Variants in MATN1 observed in about 807,000 individuals in gnomAD.
The protein encoded by MATN1 is matrilin 1.
MATN1 carries 34 observed loss-of-function variants against 41.3 expected under a neutral mutation model. That is an observed-to-expected ratio of 0.82 (90% CI 0.63 to 1.10). The LOEUF (loss-of-function observed/expected upper bound fraction) is 1.10. Ranked by LOEUF, MATN1 falls within the 50% of genes least tolerant of loss-of-function variation. The probability of loss-of-function intolerance (pLI) is 0.00; values close to 1 mark genes in which losing one functional copy is unlikely to be tolerated. For missense variants in MATN1, 602 were observed against 662.4 expected (o/e 0.91, Z 1.00); for synonymous variants, 264 against 278.7 (o/e 0.95, Z 0.53).
Position 30,716,800 on chromosome 1 carries a change from C to A in MATN1, c.780G>T (p.Lys260Asn). Residue 260 changes from lysine to asparagine, a missense_variant, in exon 4 of 8, where the codon AAG becomes AAT. Transcript: ENST00000373765. ...HEGFTLNSDGKTCNVCSGGGG... is the reference protein window; with the variant it reads ...HEGFTLNSDGNTCNVCSGGGG... ...GTCCACCCCACTGACCATTGCAGGT[C>A]TTGCCGTCGCTGTTCAGAGTGAAGC... 1 of 1,613,784 alleles carries A rather than the reference C, an allele frequency of 6.2e-7. No homozygotes were observed. Among genetic ancestry groups the A allele is most frequent in the Non-Finnish European group, 8.5e-7 (1 of 1,179,894 alleles).
chr1:30,713,960 G>T, intron 7 of MATN1: 1 of 578,132 alleles, frequency 1.7e-6, no homozygotes, highest in Non-Finnish European at 3.1e-6. Context: ...GAGAAATGGG[G>T]CATCCATGGG....
At chr1:30,714,080 G>A (rs961453152) in intron 7 of MATN1, 167 bp downstream of exon 7, 6 of 627,988 alleles carry the variant, frequency 9.6e-6, no homozygotes, top group Middle Eastern at 4.3e-4. Flanking sequence ...CTTTTGACAG[G>A]GTGTGCACCC....
In MATN1 at chr1:30,721,630, G is replaced by A. The variant is rs771084489; in HGVS notation, c.216C>T (p.Asp72=). The part of the protein sequence containing the change: ...VFLSQVIESL[D]VGPNATRVGM... ...CCACCCGGGTGGCATTGGGCCCCAC[G>A]TCCAGCGACTCGATGACCTGGGACA... is the stretch of plus-strand genomic sequence containing the variant. Residue 72 remains aspartate (D), a synonymous_variant, in exon 2 of 8, where the codon GAC becomes GAT. Coordinates refer to ENST00000373765, the MANE Select transcript of MATN1 (RefSeq NM_002379.3). 13 of 1,613,394 alleles carry A rather than the reference G, an allele frequency of 8.1e-6. No homozygotes were observed. Among genetic ancestry groups the A allele is most frequent in the East Asian group, 4.5e-5 (2 of 44,898 alleles).
intron 5 of MATN1, among the ~76,000 whole-genome samples, 165 bp downstream of exon 5, chr1:30,715,744 T>G (rs2124152556): frequency 6.6e-6 from 1 of 152,298 alleles, no homozygotes; most frequent in African/African-American, 2.4e-5. Flanking sequence ...GGCCTCAATT[T>G]TGTCATTGGT....
chr1:30,716,781 C>T lies in MATN1; in HGVS notation c.790+9G>A, dbSNP rs369702795. 11 of 1,613,138 alleles carry T rather than the reference C, an allele frequency of 6.8e-6. No homozygotes were observed. Among genetic ancestry groups the T allele is most frequent in the Non-Finnish European group, 9.3e-6 (11 of 1,179,726 alleles). On this transcript the variant is annotated intron_variant, in intron 4 of 7. Coordinates refer to ENST00000373765, the MANE Select transcript of MATN1 (RefSeq NM_002379.3). ...CTCTCCAGGGCGAGCCTGTGTCCACCCCACTGACCATTGCAGGTCTTGCCG... is the reference window on the plus strand; with the variant it reads ...CTCTCCAGGGCGAGCCTGTGTCCACTCCACTGACCATTGCAGGTCTTGCCG...
At position 30,713,268 on chromosome 1, in the gene MATN1, A is replaced by C; in HGVS notation, c.*314T>G. 5.1e-6 allele frequency: 2 copies of C among 391,994 alleles called. No individual in the cohort carries two copies. Among genetic ancestry groups the C allele is most frequent in the South Asian group, 4.7e-5 (1 of 21,156 alleles). 24.3% of individuals were successfully genotyped at this position (391,994 alleles called of 1,614,324 possible). A position where few individuals can be genotyped will look rare whatever the true frequency, so the allele number is the denominator to read the frequency against. ...TAACTAAAAAAGATGGGAATATATT[A>C]AGCTTTTGATTATAAAAATGCAAAC... On this transcript the variant is annotated 3_prime_UTR_variant, in exon 8 of 8. Transcript: ENST00000373765.
chr1:30,720,838 C>G (rs1639686415), intron 2 of MATN1: 1 of 153,978 alleles, frequency 6.5e-6, no homozygotes, highest in South Asian at 2.0e-4. Flanking sequence ...GGCAGCACAG[C>G]CCTTCCATTT....
At chr1:30,722,679 C>T (rs906057722) in intron 1 of MATN1, among the ~76,000 whole-genome samples, 6 of 152,306 alleles carry the variant, frequency 3.9e-5, no homozygotes, top group African/African-American at 9.6e-5. Flanking sequence ...CCATCCCATG[C>T]GGAGTCTGAA....
In MATN1 at chr1:30,721,541, G is replaced by A; in HGVS notation, c.305C>T (p.Ala102Val). ...EFSLRAHVSK[A>V]ALLQAVRRIQ... Reference sequence around the variant, plus strand: ...ACGGCGCACAGCCTGCAGCAGTGCGGCCTTGGAGACATGAGCCCGCAGCGA... The same window carrying A: ...ACGGCGCACAGCCTGCAGCAGTGCGACCTTGGAGACATGAGCCCGCAGCGA... The change falls in exon 2 of 8, where the codon GCC becomes GTC. Residue 102 changes from alanine to valine, a missense_variant. By Grantham distance (64) the Ala-to-Val change is moderately conservative. Transcript: ENST00000373765. The A allele has an allele frequency of 1.2e-6, 2 of 1,613,316 alleles. No individual in the cohort carries two copies. Among genetic ancestry groups the A allele is most frequent in the Non-Finnish European group, 1.7e-6 (2 of 1,180,036 alleles).
In MATN1 at chr1:30,721,401, G is replaced by A. The variant is rs368253241; in HGVS notation, c.441+4C>T. 60 of 1,604,078 alleles carry A rather than the reference G, an allele frequency of 3.7e-5. No individual in the cohort carries two copies. Among genetic ancestry groups the A allele is most frequent in the Middle Eastern group, 3.3e-4 (2 of 6,056 alleles). On this transcript the variant is annotated splice_donor_region_variant and intron_variant, in intron 2 of 7. Coordinates refer to ENST00000373765, the MANE Select transcript of MATN1 (RefSeq NM_002379.3). The stretch of plus-strand genomic sequence containing the variant: ...AGCATCCTAGCAGGGTGGCGTGCAC[G>A]TACCTTGCTGATGTCAGGGGACCTG...
chr1:30,721,564 C>T lies in MATN1; in HGVS notation c.282G>A (p.Ser94=), dbSNP rs138133809. The part of the protein sequence containing the change: ...NYASTVKQEF[S]LRAHVSKAAL... ...CGGCCTTGGAGACATGAGCCCGCAG[C>T]GAGAACTCCTGCTTCACGGTGCTGG... Residue 94 remains serine (S), a synonymous_variant, in exon 2 of 8, where the codon TCG becomes TCA. Transcript: ENST00000373765. 2.0e-5 allele frequency: 32 copies of T among 1,613,372 alleles called. No individual in the cohort carries two copies. Among genetic ancestry groups the T allele is most frequent in the Non-Finnish European group, 2.2e-5 (26 of 1,180,026 alleles).
chr1:30,714,153 C>T, intron 7 of MATN1, 94 bp downstream of exon 7: 2 of 1,035,546 alleles, frequency 1.9e-6, no homozygotes, highest in Non-Finnish European at 1.5e-6. Flanking sequence ...CCAAGAGAAG[C>T]CTGCCCAACT....
At chr1:30,715,043 C>T in intron 6 of MATN1, 114 bp downstream of exon 6, 3 of 1,300,974 alleles carry the variant, frequency 2.3e-6, no homozygotes, top group Non-Finnish European at 3.2e-6. Flanking sequence ...TCTGCCAACT[C>T]TTGGTGCCAC....
chr1:30,720,881 A>T (rs1287216887), intron 2 of MATN1: 1 of 153,354 alleles, frequency 6.5e-6, no homozygotes, highest in African/African-American at 2.4e-5. Context: ...TTATGAAATT[A>T]AAAATTATCA....
rs376892005 is a variant in MATN1, at chr1:30,713,514, C to T, written c.*68G>A. On this transcript the variant is annotated 3_prime_UTR_variant, in exon 8 of 8. Coordinates refer to ENST00000373765, the MANE Select transcript of MATN1 (RefSeq NM_002379.3). ...CCCACCCCCGGGCTGGCTTCCCTCA[C>T]TAAAATGGTAAAGCTACGGCGGACA... The T allele has an allele frequency of 3.2e-4, 484 of 1,523,690 alleles. 7 individuals carry two copies. The South Asian group carries it at 5.6e-3, about 18-fold the overall frequency. The allele number at this position is 1,523,690 out of a possible 1,614,324, so 94.4% of individuals were successfully genotyped here.
At position 30,715,249 on chromosome 1, in the gene MATN1, G is replaced by C; in HGVS notation, c.1268C>G (p.Ala423Gly). The C allele has an allele frequency of 6.2e-7, 1 of 1,614,176 alleles. No homozygotes were observed. The highest frequency in any genetic ancestry group is 8.5e-7 in the Non-Finnish European group (1 of 1,180,030). Residue 423 changes from alanine (A) to glycine (G), a missense_variant, in exon 6 of 8, where the codon GCC (alanine) becomes GGC (glycine). Coordinates refer to ENST00000373765, the MANE Select transcript of MATN1 (RefSeq NM_002379.3). ...GTAGTGCTCTGCCACAGGCTCTGAG[G>C]CTATTTCCCTCAGCTCATCCTCCAC... Reference protein sequence around the residue: ...NAVEDELREIASEPVAEHYFY... With the variant: ...NAVEDELREIGSEPVAEHYFY...
chr1:30,713,534 C>T lies in MATN1; in HGVS notation c.*48G>A, dbSNP rs771095904. The T allele has an allele frequency of 2.0e-5, 31 of 1,544,674 alleles. No homozygotes were observed. Among genetic ancestry groups the T allele is most frequent in the African/African-American group, 2.7e-5 (2 of 72,894 alleles). ...CCTCACTAAAATGGTAAAGCTACGG[C>T]GGACACGTGCAGGACGCTTGGAGAG... On this transcript the variant is annotated 3_prime_UTR_variant, in exon 8 of 8. Coordinates refer to ENST00000373765, the MANE Select transcript of MATN1 (RefSeq NM_002379.3).
At position 30,715,993 on chromosome 1, in the gene MATN1, C is replaced by T. The variant is rs371564845; in HGVS notation, c.1123G>A (p.Gly375Arg). The stretch of plus-strand genomic sequence containing the variant: ...AAGACAATGCCCACCTTCTGGGCCC[C>T]GGGCCTAGCCCCACTGGACACAGTG... ...SFTVSSGARP[G>R]AQKVGIVFTD... Residue 375 changes from glycine to arginine, a missense_variant, in exon 5 of 8, where the codon GGG becomes AGG. By Grantham distance (125) the Gly-to-Arg change is moderately radical. Coordinates refer to ENST00000373765, the MANE Select transcript of MATN1 (RefSeq NM_002379.3). The T allele has an allele frequency of 1.7e-4, 274 of 1,614,064 alleles. 1 individual carries two copies. The highest frequency in any genetic ancestry group is 3.4e-4 in the South Asian group (31 of 91,084).
At chr1:30,714,394 C>T (rs535962085) in intron 6 of MATN1, 67 bp from the exon 7 acceptor site, 4 of 1,297,886 alleles carry the variant, frequency 3.1e-6, no homozygotes, top group Non-Finnish European at 3.3e-6. Context: ...GGAGGGAGGA[C>T]AGTCACTGCC....
Sources: allele counts gnomAD v4.1 joint callset (sites outside exome capture counted in the v4.1 genomes callset), GRCh38; gene constraint gnomAD v4.1.1; transcripts MANE v1.5; gene names NCBI Gene and HGNC (gene_info 2026-07-23, HGNC 2026-07-21).